SMARCA2: variants seen among roughly 807,000 people sequenced by gnomAD.
SMARCA2 encodes SWI/SNF-related matrix-associated actin-dependent regulator of chromatin subfamily A member 2.
In SMARCA2, 61 loss-of-function variants were observed where a neutral mutation model predicts 199.8. The observed-to-expected ratio is 0.31, with a 90% CI of 0.25 to 0.38. The LOEUF (loss-of-function observed/expected upper bound fraction) is 0.38, where lower values mean the gene tolerates loss of function less well. SMARCA2 is among the 10% of genes least tolerant of loss of function. The pLI, the probability that SMARCA2 is intolerant of heterozygous loss-of-function variation, is 1.00. For synonymous variants in SMARCA2, 935 were observed against 732.0 expected (o/e 1.28, Z -4.48); for missense variants, 1,344 against 2,012.2 (o/e 0.67, Z 6.35).
chr9:2,075,557 A>C (rs915837538), intron 12 of SMARCA2, among the ~76,000 whole-genome samples: 1 of 152,228 alleles, frequency 6.6e-6, no homozygotes, highest in Non-Finnish European at 1.5e-5. Flanking sequence ...TCAGCCACAG[A>C]AAGCAGTGTG....
intron 27 of SMARCA2, among the ~76,000 whole-genome samples, chr9:2,125,292 T>G (rs1823639202): frequency 6.6e-6 from 1 of 152,212 alleles, no homozygotes; most frequent in Non-Finnish European, 1.5e-5. Context: ...AATATTCCAG[T>G]GACCTCAGAA....
intron 18 of SMARCA2, 135 bp downstream of exon 18, chr9:2,087,206 T>G: frequency 9.8e-7 from 1 of 1,022,362 alleles, no homozygotes; most frequent in Non-Finnish European, 1.4e-6. Context: ...AACCCATCGG[T>G]GGGTGGACAT....
At chr9:2,101,935 G>T (rs1586706552) in intron 22 of SMARCA2, among the ~76,000 whole-genome samples, 1 of 152,200 alleles carries the variant, frequency 6.6e-6, no homozygotes, top group East Asian at 1.9e-4. Context: ...GGCTTGAAGA[G>T]AATGTATCTT....
intron 4 of SMARCA2, chr9:2,042,685 G>A (rs116539025): frequency 1.3e-5 from 2 of 149,908 alleles, no homozygotes; most frequent in Non-Finnish European, 3.0e-5. Flanking sequence ...ACCTGGCTCC[G>A]GTACCTACAT....
chr9:2,158,446 C>A (rs1825488954), intron 27 of SMARCA2: 2 of 153,384 alleles, frequency 1.3e-5, no homozygotes, highest in Admixed American at 1.3e-4. Flanking sequence ...CCCCGACTTC[C>A]TTCCTATTCA....
chr9:2,160,045 A>G (rs1825582418), intron 27 of SMARCA2: 2 of 1,145,188 alleles, frequency 1.7e-6, no homozygotes, highest in South Asian at 3.0e-5. Flanking sequence ...GAGCAATACC[A>G]TTAACTGTTG....
intron 32 of SMARCA2, among the ~76,000 whole-genome samples, chr9:2,189,356 C>T (rs1285805045): frequency 4.6e-5 from 7 of 152,038 alleles, no homozygotes; most frequent in Admixed American, 2.0e-4. Context: ...TATCCACTGA[C>T]GCGTGCCTGA....
At chr9:2,144,070 TG>T (rs529015165) in intron 27 of SMARCA2, among the ~76,000 whole-genome samples, 10 of 149,376 alleles carry the variant, frequency 6.7e-5, no homozygotes, top group East Asian at 3.9e-4. Flanking sequence ...AGCCGGGAGA[TG>T]GGGGGGGATG....
At chr9:2,098,592 A>G (rs1382111755) in intron 21 of SMARCA2, among the ~76,000 whole-genome samples, 2 of 152,174 alleles carry the variant, frequency 1.3e-5, no homozygotes, top group African/African-American at 4.8e-5. Context: ...GAGAATATCC[A>G]TAGACACAGG....
intron 14 of SMARCA2, among the ~76,000 whole-genome samples, chr9:2,079,465 C>G (rs1821469113): frequency 6.6e-6 from 1 of 152,232 alleles, no homozygotes; most frequent in Admixed American, 6.5e-5. Context: ...ACAGTACTGC[C>G]TTGATGGTGC....
chr9:2,165,454 G>A (rs555344203), intron 28 of SMARCA2, among the ~76,000 whole-genome samples: 1 of 152,170 alleles, frequency 6.6e-6, no homozygotes, highest in Non-Finnish European at 1.5e-5. Flanking sequence ...GCCAGATATT[G>A]TGTGATTCAT....
Position 2,086,004 on chromosome 9 carries a change from CT to C in SMARCA2, c.2527-824del, listed in dbSNP as rs1204403504. On this transcript the variant is annotated intron_variant, in intron 17 of 33. Coordinates refer to ENST00000349721, the MANE Select transcript of SMARCA2 (RefSeq NM_003070.5). The surrounding 1 kb of genome is among the most constrained non-coding windows in gnomAD (Gnocchi z 4.3). Reference sequence around the variant, plus strand: ...AGGAGGACTGGGCCATATAAGCATTCTGGACGTTTTACGCAATCGTCATGTT... The same window carrying C: ...AGGAGGACTGGGCCATATAAGCATTCGGACGTTTTACGCAATCGTCATGTT... 3 of 152,342 alleles carry C rather than the reference CT, an allele frequency of 2.0e-5. No homozygotes were observed. Among genetic ancestry groups the C allele is most frequent in the Non-Finnish European group, 2.9e-5 (2 of 68,082 alleles). 9.4% of individuals were successfully genotyped at this position (152,342 alleles called of 1,614,324 possible). A position where few individuals can be genotyped will look rare whatever the true frequency, so the allele number is the denominator to read the frequency against.
Position 2,110,020 on chromosome 9 carries a change from T to A in SMARCA2, c.3293-234T>A, listed in dbSNP as rs1274410942. On this transcript the variant is annotated intron_variant, in intron 23 of 33. Transcript: ENST00000349721. This position sits in a 1 kb window ranked among gnomAD's most constrained non-coding sequence, Gnocchi z 4.8. ...GGTGAGAGTAAGGATTTTGTAAAAT[T>A]TGTGAAGTTGCGAAGATGCCTCATT... Among the ~76,000 whole-genome samples the A allele has an allele frequency of 1.3e-5, 2 of 152,194 alleles. No individual in the cohort carries two copies. Among genetic ancestry groups the A allele is most frequent in the Non-Finnish European group, 2.9e-5 (2 of 68,040 alleles).
intron 5 of SMARCA2, among the ~76,000 whole-genome samples, chr9:2,050,899 C>T (rs1057367424): frequency 2.0e-5 from 3 of 152,218 alleles, no homozygotes; most frequent in South Asian, 2.1e-4. Context: ...AGTAACCCCT[C>T]GTGATTTACT....
At chr9:2,085,722 G>A (rs535004737) in intron 17 of SMARCA2, 7 of 151,880 alleles carry the variant, frequency 4.6e-5, no homozygotes, top group Non-Finnish European at 7.4e-5. Context: ...CTCCTGGCAC[G>A]TCTGATGCTT....
chr9:2,135,242 C>T (rs1362628525), intron 27 of SMARCA2, among the ~76,000 whole-genome samples: 1 of 152,178 alleles, frequency 6.6e-6, no homozygotes, highest in East Asian at 1.9e-4. Context: ...AGGAATTCCC[C>T]TTTCCTTTGC....
At chr9:2,065,605 G>C (rs1239029680) in intron 9 of SMARCA2, among the ~76,000 whole-genome samples, 1 of 152,180 alleles carries the variant, frequency 6.6e-6, no homozygotes, top group Non-Finnish European at 1.5e-5. Flanking sequence ...AGAATAGCCT[G>C]CCGTTGGCAC....
At chr9:2,020,444 AT>A (rs1818550456) in intron 1 of SMARCA2, among the ~76,000 whole-genome samples, 1 of 152,192 alleles carries the variant, frequency 6.6e-6, no homozygotes, top group South Asian at 2.1e-4. Context: ...TTGATAGCAT[AT>A]TTAGGAAGGC....
chr9:2,049,828 C>T (rs575610930), intron 5 of SMARCA2, among the ~76,000 whole-genome samples: 2 of 152,286 alleles, frequency 1.3e-5, no homozygotes, highest in African/African-American at 4.8e-5. Context: ...TCTTTTGACC[C>T]TTTGTGACAG....
Sources: gnomAD v4.1 joint callset for allele counts (sites outside exome capture counted in the v4.1 genomes callset) on GRCh38, gnomAD v4.1.1 for gene constraint, Gnocchi (gnomAD v3.1) non-coding constraint, MANE v1.5 for transcripts, NCBI Gene and HGNC (gene_info 2026-07-23, HGNC 2026-07-21) for gene names.